Variants in DCDC1 observed in about 807,000 individuals in gnomAD.
The protein encoded by DCDC1 is doublecortin domain containing 1, also known as doublecortin domain-containing protein 1.
A neutral mutation model predicts 178.3 loss-of-function variants in DCDC1; 200 were observed. The observed-to-expected ratio is 1.12, with a 90% CI of 1.00 to 1.26. The LOEUF (loss-of-function observed/expected upper bound fraction) is 1.26. Ranked by LOEUF, DCDC1 falls within the 50% of genes most tolerant of loss-of-function variation. The pLI, the probability that DCDC1 is intolerant of heterozygous loss-of-function variation, is 0.00. For synonymous variants in DCDC1, 690 were observed against 604.8 expected, an observed-to-expected ratio of 1.14 and a Z score of -2.07; for missense variants, 1,983 against 1,749.2, an observed-to-expected ratio of 1.13 and a Z score of -2.38.
intron 6 of DCDC1, among the ~76,000 whole-genome samples, chr11:31,297,836 A>C (rs1947808901): frequency 6.6e-6 from 1 of 152,176 alleles, no homozygotes; most frequent in Non-Finnish European, 1.5e-5. Context: ...TTTGACCTTA[A>C]TGGCCCATCC....
Position 30,900,432 on chromosome 11 carries a change from C to T in DCDC1, c.4577G>A (p.Gly1526Asp). The change falls in exon 33 of 39, where the codon GGT becomes GAT. Residue 1526 changes from glycine (G) to aspartate (D), a missense_variant. Transcript: ENST00000684477. Reference sequence around the variant, plus strand: ...GAGGGTAAGCAAAGACTTGTCTATACCATCCAAACTATCGGATGTCACAGA... The same window carrying T: ...GAGGGTAAGCAAAGACTTGTCTATATCATCCAAACTATCGGATGTCACAGA... ...AKSVTSDSLD[G>D]IDKSLLTLIL... is the part of the protein sequence containing the mutation. 2 of 1,574,532 alleles carry T rather than the reference C, an allele frequency of 1.3e-6. No homozygotes were observed. The highest frequency in any genetic ancestry group is 1.8e-5 in the Admixed American group (1 of 55,270).
At chr11:31,224,348 T>C (rs1974653700) in intron 9 of DCDC1, among the ~76,000 whole-genome samples, 1 of 151,900 alleles carries the variant, frequency 6.6e-6, no homozygotes. Context: ...TCCCACCTTA[T>C]ACAAAACTCA....
At chr11:31,103,912 C>G in intron 13 of DCDC1, 143 bp from the exon 14 acceptor site, 1 of 553,450 alleles carries the variant, frequency 1.8e-6, no homozygotes, top group Non-Finnish European at 3.2e-6. Flanking sequence ...AGCACTATTG[C>G]TGGTATTCTA....
At chr11:30,941,933 T>G in intron 21 of DCDC1, among the ~76,000 whole-genome samples, 1 of 152,322 alleles carries the variant, frequency 6.6e-6, no homozygotes, top group East Asian at 1.9e-4. Flanking sequence ...TTTATATTTT[T>G]ACTAGAATAT....
chr11:31,210,722 A>AG (rs1393725714), intron 9 of DCDC1, among the ~76,000 whole-genome samples: 3 of 151,920 alleles, frequency 2.0e-5, no homozygotes, highest in African/African-American at 7.3e-5. Context: ...AAAAAAAAAA[A>AG]AAAAGAAAGA....
At chr11:31,166,399 A>G (rs1283316617) in intron 9 of DCDC1, among the ~76,000 whole-genome samples, 1 of 152,236 alleles carries the variant, frequency 6.6e-6, no homozygotes, top group Non-Finnish European at 1.5e-5. Flanking sequence ...AGTAGATATA[A>G]GCATCCATAG....
chr11:31,218,846 T>A (rs1194694498), intron 9 of DCDC1, among the ~76,000 whole-genome samples: 3 of 152,160 alleles, frequency 2.0e-5, no homozygotes, highest in Non-Finnish European at 4.4e-5. Context: ...AAAATCCCAA[T>A]ATTATGACAA....
chr11:31,067,138 A>C (rs2135500355), intron 18 of DCDC1, among the ~76,000 whole-genome samples: 1 of 152,318 alleles, frequency 6.6e-6, no homozygotes, highest in East Asian at 1.9e-4. Context: ...AAACAATGCC[A>C]TGAAGAAAGT....
At chr11:31,354,007 G>A (rs1036170947) in intron 1 of DCDC1, among the ~76,000 whole-genome samples, 2 of 152,190 alleles carry the variant, frequency 1.3e-5, no homozygotes, top group African/African-American at 4.8e-5. Context: ...TGAGTCAAAG[G>A]CCAGGCGCGG....
intron 1 of DCDC1, among the ~76,000 whole-genome samples, chr11:31,339,823 C>A (rs560293878): frequency 1.3e-5 from 2 of 152,134 alleles, no homozygotes; most frequent in Admixed American, 6.6e-5. Context: ...TCTAAACTAG[C>A]CAAATAATTT....
At chr11:31,297,739 C>A (rs997815527) in intron 6 of DCDC1, among the ~76,000 whole-genome samples, 2 of 152,148 alleles carry the variant, frequency 1.3e-5, no homozygotes, top group Admixed American at 6.5e-5. Flanking sequence ...ACTCCTAGGG[C>A]TGAGGCTATC....
chr11:31,001,529 C>T (rs1951579091), intron 20 of DCDC1, among the ~76,000 whole-genome samples: 1 of 152,150 alleles, frequency 6.6e-6, no homozygotes, highest in African/African-American at 2.4e-5. Context: ...AGCCTTAAGG[C>T]TTTCTCTGCC....
Position 31,143,923 on chromosome 11 carries a change from C to T in DCDC1, c.1222-6139G>A, listed in dbSNP as rs77592143. On this transcript the variant is annotated intron_variant, in intron 9 of 38. Coordinates refer to ENST00000684477, the MANE Select transcript of DCDC1 (RefSeq NM_001387274.1). The stretch of plus-strand genomic sequence containing the variant: ...CTATCCTTGCTAATTCTTTGAATGA[C>T]GCTACTTTGATCACAGTCTGCAGCT... Among the ~76,000 whole-genome samples the T allele has an allele frequency of 2.3e-4, 35 of 152,218 alleles. No individual in the cohort carries two copies. In the East Asian group the frequency reaches 6.6e-3, roughly 29 times the overall value.
At chr11:30,954,903 G>C (rs1055857899) in intron 20 of DCDC1, among the ~76,000 whole-genome samples, 28 of 152,102 alleles carry the variant, frequency 1.8e-4, no homozygotes, top group African/African-American at 6.5e-4. Context: ...TTGTTTCGTG[G>C]AGTGTTGGCT....
chr11:31,102,698 C>G (rs1210957376), intron 14 of DCDC1, among the ~76,000 whole-genome samples: 1 of 152,126 alleles, frequency 6.6e-6, no homozygotes, highest in Non-Finnish European at 1.5e-5. Flanking sequence ...CTGCAGTGTC[C>G]AATATGGTAG....
intron 29 of DCDC1, among the ~76,000 whole-genome samples, chr11:30,908,164 G>C (rs1241140034): frequency 6.6e-6 from 1 of 151,476 alleles, no homozygotes; most frequent in East Asian, 1.9e-4. Flanking sequence ...CCCACACATT[G>C]CCTATGTGAG....
chr11:31,330,715 C>A (rs1429332445), intron 2 of DCDC1, among the ~76,000 whole-genome samples: 1 of 152,110 alleles, frequency 6.6e-6, no homozygotes, highest in Non-Finnish European at 1.5e-5. Flanking sequence ...TGTAGATGTA[C>A]AGTGTTACTT....
At chr11:30,914,775 C>T (rs1365382494) in intron 27 of DCDC1, among the ~76,000 whole-genome samples, 1 of 151,992 alleles carries the variant, frequency 6.6e-6, no homozygotes, top group Admixed American at 6.6e-5. Flanking sequence ...GAATGTCTTA[C>T]AACAAATCTA....
At chr11:31,025,200 T>C (rs1306143624) in intron 20 of DCDC1, among the ~76,000 whole-genome samples, 1 of 151,882 alleles carries the variant, frequency 6.6e-6, no homozygotes, top group Non-Finnish European at 1.5e-5. Flanking sequence ...TTACTTGTAA[T>C]GGAAGTAAGT....
Sources: gnomAD v4.1 joint callset for allele counts (sites outside exome capture counted in the v4.1 genomes callset) on GRCh38, gnomAD v4.1.1 for gene constraint, MANE v1.5 for transcripts, NCBI Gene and HGNC (gene_info 2026-07-23, HGNC 2026-07-21) for gene names.